FGFR2: variants seen among roughly 807,000 people sequenced by gnomAD.
FGFR2 encodes BEK fibroblast growth factor receptor.
A neutral mutation model predicts 95.9 loss-of-function variants in FGFR2; 19 were observed. The observed-to-expected ratio is 0.20, with a 90% CI of 0.14 to 0.29. The LOEUF (loss-of-function observed/expected upper bound fraction) is 0.29. Among genes scored for constraint, FGFR2 ranks in the 10% least tolerant of loss-of-function variants. FGFR2 has a pLI of 1.00. For synonymous variants in FGFR2, 392 were observed against 393.3 expected (o/e 1.00, Z 0.04); for missense variants, 707 against 1,056.9 (o/e 0.67, Z 4.59).
intron 6 of FGFR2, among the ~76,000 whole-genome samples, chr10:121,521,247 TA>T (rs1850499885): frequency 6.6e-6 from 1 of 152,228 alleles, no homozygotes; most frequent in South Asian, 2.1e-4. Context: ...GACTGCCCTA[TA>T]AAAGGGCAGA....
intron 7 of FGFR2, 99 bp downstream of exon 7, chr10:121,519,880 T>A: frequency 8.8e-7 from 1 of 1,141,972 alleles, no homozygotes; most frequent in Non-Finnish European, 1.3e-6. Flanking sequence ...AAAAAGAGAA[T>A]CATCCTCTCT....
chr10:121,501,387 T>G (rs1323404241), intron 10 of FGFR2, among the ~76,000 whole-genome samples: 1 of 152,242 alleles, frequency 6.6e-6, no homozygotes, highest in East Asian at 1.9e-4. Context: ...TATGGTCACA[T>G]TCCTTGCCAA....
chr10:121,560,410 C>G (rs901990510), intron 4 of FGFR2, among the ~76,000 whole-genome samples: 1 of 151,880 alleles, frequency 6.6e-6, no homozygotes, highest in Non-Finnish European at 1.5e-5. Flanking sequence ...GTCAGGAGAT[C>G]GAGACCATTC....
intron 2 of FGFR2, among the ~76,000 whole-genome samples, chr10:121,571,835 C>T (rs898241743): frequency 6.6e-6 from 1 of 151,358 alleles, no homozygotes; most frequent in Non-Finnish European, 1.5e-5. Flanking sequence ...CCCAGCTACT[C>T]GGGAGGCTGA....
chr10:121,504,009 A>C, intron 9 of FGFR2, 68 bp from the exon 10 acceptor site: 1 of 1,581,404 alleles, frequency 6.3e-7, no homozygotes, highest in Middle Eastern at 1.8e-4. Context: ...AGTCAGCCAG[A>C]GCCCAGCCAG....
intron 4 of FGFR2, among the ~76,000 whole-genome samples, chr10:121,555,321 C>A (rs921752695): frequency 6.6e-6 from 1 of 152,108 alleles, no homozygotes; most frequent in South Asian, 2.1e-4. Flanking sequence ...TGCAGTGAGC[C>A]GAGATCATGC....
chr10:121,519,132 T>A lies in FGFR2; in HGVS notation c.939+847A>T, dbSNP rs570554581. 3.9e-5 allele frequency among the ~76,000 whole-genome samples: 6 copies of A among 152,290 alleles called. No individual in the cohort carries two copies. In the South Asian group the frequency reaches 1.2e-3, roughly 32 times the overall value. On this transcript the variant is annotated intron_variant, in intron 7 of 17. Transcript: ENST00000358487. ...TTATTAGCTGGTGAGAACACTTCAT[T>A]GGCTGAAAGTTCTTAGCTGGGTCAC... is the stretch of plus-strand genomic sequence containing the variant.
At chr10:121,533,622 A>G (rs1442904845) in intron 6 of FGFR2, among the ~76,000 whole-genome samples, 1 of 152,246 alleles carries the variant, frequency 6.6e-6, no homozygotes, top group East Asian at 1.9e-4. Context: ...TTAAGGTCCC[A>G]TCTTTCTCCC....
intron 12 of FGFR2, among the ~76,000 whole-genome samples, chr10:121,497,338 C>A (rs1182548325): frequency 6.6e-6 from 1 of 152,038 alleles, no homozygotes; most frequent in African/African-American, 2.4e-5. Context: ...ATGGATCCCT[C>A]CACTCTATCC....
intron 2 of FGFR2, among the ~76,000 whole-genome samples, chr10:121,583,815 A>C (rs1459551683): frequency 6.6e-6 from 1 of 151,872 alleles, no homozygotes; most frequent in Non-Finnish European, 1.5e-5. Context: ...ACACCAACAC[A>C]TTCACCCAAA....
chr10:121,486,215 C>T (rs1351054983), intron 15 of FGFR2, among the ~76,000 whole-genome samples: 1 of 152,184 alleles, frequency 6.6e-6, no homozygotes. Flanking sequence ...CATGGTCGTT[C>T]TGGAAACTCA....
chr10:121,581,610 G>C (rs1380728363), intron 2 of FGFR2, among the ~76,000 whole-genome samples: 1 of 150,076 alleles, frequency 6.7e-6, no homozygotes. Context: ...AAAGAAAAAA[G>C]AAAAATCAGC....
rs1159948329 is a variant in FGFR2 at position 121,485,150 on chromosome 10, GCAGCCAGA to G, written c.2195+237_2195+244del. On this transcript the variant is annotated intron_variant, in intron 16 of 17. Transcript: ENST00000358487. The surrounding 1 kb of genome is among the most constrained non-coding windows in gnomAD (Gnocchi z 4.2). The stretch of plus-strand genomic sequence containing the variant: ...TGCAAAGTCAGGAGCCCTCAGCCAG[GCAGCCAGA>G]CACCCTCTGATCCAAAGCCCTCTCC... 1.3e-5 allele frequency among the ~76,000 whole-genome samples: 2 copies of G among 152,088 alleles called. No individual in the cohort carries two copies. Among genetic ancestry groups the G allele is most frequent in the Non-Finnish European group, 2.9e-5 (2 of 68,014 alleles).
At chr10:121,511,578 G>A (rs1428687245) in intron 9 of FGFR2, among the ~76,000 whole-genome samples, 2 of 152,176 alleles carry the variant, frequency 1.3e-5, no homozygotes, top group East Asian at 1.9e-4. Context: ...TCACAAAGAT[G>A]CCCCTCTCTG....
chr10:121,562,048 T>C (rs1362560190), intron 4 of FGFR2, among the ~76,000 whole-genome samples: 1 of 152,198 alleles, frequency 6.6e-6, no homozygotes, highest in African/African-American at 2.4e-5. Flanking sequence ...TCGAATGATG[T>C]GGAGCAACAG....
intron 2 of FGFR2, among the ~76,000 whole-genome samples, chr10:121,568,434 T>C (rs892646222): frequency 6.6e-6 from 1 of 152,166 alleles, no homozygotes; most frequent in South Asian, 2.1e-4. Context: ...AGAAATGTTA[T>C]GGAATGTACT....
intron 8 of FGFR2, among the ~76,000 whole-genome samples, chr10:121,515,639 G>A (rs902878296): frequency 2.6e-5 from 4 of 151,952 alleles, no homozygotes; most frequent in Admixed American, 1.3e-4. Flanking sequence ...TACCCACAAT[G>A]AAAGGATTAT....
chr10:121,564,097 G>A (rs1041565642), intron 4 of FGFR2, among the ~76,000 whole-genome samples: 26 of 152,172 alleles, frequency 1.7e-4, no homozygotes, highest in African/African-American at 2.7e-4. Flanking sequence ...CCAATGTGCC[G>A]GGAGAGCAAG....
chr10:121,566,799 C>T (rs558472993), intron 2 of FGFR2, among the ~76,000 whole-genome samples: 13 of 152,102 alleles, frequency 8.5e-5, no homozygotes, highest in African/African-American at 2.4e-4. Flanking sequence ...TTCCCGCCAC[C>T]GACCCCATCC....
Sources: allele counts gnomAD v4.1 joint callset (sites outside exome capture counted in the v4.1 genomes callset), GRCh38; gene constraint gnomAD v4.1.1; non-coding constraint Gnocchi (gnomAD v3.1); transcripts MANE v1.5; gene names NCBI Gene and HGNC (gene_info 2026-07-23, HGNC 2026-07-21).